AFAP1: variants seen among roughly 807,000 people sequenced by gnomAD.
The protein encoded by AFAP1 is actin filament associated protein 1.
In AFAP1, 75 loss-of-function variants were observed where a neutral mutation model predicts 93.9. That is an observed-to-expected ratio of 0.80 (90% CI 0.66 to 0.97). The LOEUF (loss-of-function observed/expected upper bound fraction) is 0.97, where lower values mean the gene tolerates loss of function less well. Ranked by LOEUF, AFAP1 falls within the 50% of genes least tolerant of loss-of-function variation. The pLI, the probability that AFAP1 is intolerant of heterozygous loss-of-function variation, is 0.00. For missense variants in AFAP1, 1,201 were observed against 1,050.8 expected (o/e 1.14, Z -1.98); for synonymous variants, 517 against 430.7 (o/e 1.20, Z -2.48).
At chr4:7,838,747 G>C in intron 5 of AFAP1, 44 bp from the exon 6 acceptor site, 1 of 1,593,094 alleles carries the variant, frequency 6.3e-7, no homozygotes, top group South Asian at 1.1e-5. Context: ...AAGGGAGTTC[G>C]AACAGAAACA....
intron 16 of AFAP1, 186 bp downstream of exon 16, chr4:7,772,634 T>G: frequency 1.7e-6 from 1 of 588,178 alleles, no homozygotes; most frequent in South Asian, 2.2e-5. Context: ...TGAGAAAGCA[T>G]GTCAGGAACA....
chr4:7,791,966 G>A (rs1294366551), intron 11 of AFAP1, among the ~76,000 whole-genome samples: 2 of 152,170 alleles, frequency 1.3e-5, no homozygotes, highest in Non-Finnish European at 2.9e-5. Context: ...CCAGAAAGTG[G>A]CAGAGTGTTC....
In AFAP1 at chr4:7,838,704, C is replaced by G; in HGVS notation, c.547-1G>C. On this transcript the variant is annotated splice_acceptor_variant, in intron 5 of 17. Transcript: ENST00000420658. LOFTEE classifies it high-confidence loss of function. The stretch of plus-strand genomic sequence containing the variant: ...GCTGGTCCTTGGAACTTTTATAGCA[C>G]TGCATTCAACACAACAAATCAACTG... The G allele has an allele frequency of 6.2e-7, 1 of 1,613,672 alleles. No individual in the cohort carries two copies. The highest frequency in any genetic ancestry group is 8.5e-7 in the Non-Finnish European group (1 of 1,179,754).
intron 10 of AFAP1, among the ~76,000 whole-genome samples, chr4:7,797,959 G>C (rs1718599088): frequency 6.6e-6 from 1 of 152,228 alleles, no homozygotes; most frequent in Non-Finnish European, 1.5e-5. Context: ...GTCTTTGGTG[G>C]ATATGGGTGA....
chr4:7,805,905 T>C (rs1032162801), intron 9 of AFAP1, among the ~76,000 whole-genome samples: 3 of 152,160 alleles, frequency 2.0e-5, no homozygotes, highest in Non-Finnish European at 4.4e-5. Flanking sequence ...GTTTCAAAAC[T>C]TCCATCTGGT....
Position 7,863,280 on chromosome 4 carries a change from A to G in AFAP1, c.225+5342T>C, listed in dbSNP as rs115818174. Among the ~76,000 whole-genome samples the G allele has an allele frequency of 5.9e-3, 895 of 152,218 alleles. 7 individuals are homozygous for G. The highest frequency in any genetic ancestry group is 0.019 in the African/African-American group (781 of 41,546). ...AAAAAGACAAAAAAATTAGCCAGAC[A>G]TGATGGTGCGTGCCTGTAGTCTCAG... On this transcript the variant is annotated intron_variant, in intron 3 of 17. Transcript: ENST00000420658.
chr4:7,801,505 T>C (rs181374848), intron 9 of AFAP1, among the ~76,000 whole-genome samples: 4 of 152,032 alleles, frequency 2.6e-5, no homozygotes, highest in Admixed American at 1.3e-4. Context: ...TGAATTCTTC[T>C]AGAAATAACA....
chr4:7,778,728 A>G, intron 14 of AFAP1, 34 bp downstream of exon 14: 2 of 1,597,760 alleles, frequency 1.3e-6, no homozygotes, highest in Non-Finnish European at 1.7e-6. Context: ...GTGCACTTGA[A>G]GCCGGAATGC....
At chr4:7,877,014 C>T (rs1262069483) in intron 1 of AFAP1, among the ~76,000 whole-genome samples, 1 of 152,206 alleles carries the variant, frequency 6.6e-6, no homozygotes, top group South Asian at 2.1e-4. Flanking sequence ...TTGGCTCCCC[C>T]TCACTGAAGT....
At chr4:7,881,650 G>C (rs549932183) in intron 1 of AFAP1, among the ~76,000 whole-genome samples, 4 of 152,254 alleles carry the variant, frequency 2.6e-5, no homozygotes, top group Admixed American at 6.5e-5. Context: ...GGGCATGGTG[G>C]CACACGCCTG....
rs537234532 is a variant in AFAP1, at chr4:7,761,507, C to G, written c.*2258G>C. 5.3e-5 allele frequency: 8 copies of G among 152,284 alleles called. No homozygotes were observed. The highest frequency in any genetic ancestry group is 2.1e-4 in the South Asian group (1 of 4,834). 9.4% of individuals were successfully genotyped at this position (152,284 alleles called of 1,614,324 possible). ...GCTGGTGGGTGACGGCTAAGGCCCACGTGACACTTTGCGTGCTGCTCACAC... is the reference window on the plus strand; with the variant it reads ...GCTGGTGGGTGACGGCTAAGGCCCAGGTGACACTTTGCGTGCTGCTCACAC... On this transcript the variant is annotated 3_prime_UTR_variant, in exon 18 of 18. Transcript: ENST00000420658.
chr4:7,876,422 CTCTA>C (rs1332416708), intron 1 of AFAP1, among the ~76,000 whole-genome samples: 2 of 152,194 alleles, frequency 1.3e-5, no homozygotes, highest in African/African-American at 4.8e-5. Flanking sequence ...TCTTCCATTC[CTCTA>C]TCTTTTGCCT....
chr4:7,939,323 T>C lies in AFAP1; in HGVS notation c.-3+333A>G. On this transcript the variant is annotated intron_variant, in intron 1 of 17. Coordinates refer to ENST00000420658, the MANE Select transcript of AFAP1 (RefSeq NM_001134647.2). This position sits in a 1 kb window ranked among gnomAD's most constrained non-coding sequence, Gnocchi z 5.6. ...ACCCGGACCCCGCCCCACGAGTGGG[T>C]CTTCGCAGGGCCCCCTCTGACGCAC... 6.4e-6 allele frequency: 2 copies of C among 312,448 alleles called. No individual in the cohort carries two copies. The highest frequency in any genetic ancestry group is 4.8e-5 in the South Asian group (2 of 41,982). 19.4% of individuals were successfully genotyped at this position (312,448 alleles called of 1,614,324 possible).
intron 1 of AFAP1, among the ~76,000 whole-genome samples, chr4:7,883,766 A>G (rs1275764938): frequency 6.6e-6 from 1 of 152,252 alleles, no homozygotes; most frequent in African/African-American, 2.4e-5. Flanking sequence ...GAAATGCGCA[A>G]AACTTACATA....
chr4:7,836,001 A>G (rs933420822), intron 6 of AFAP1, among the ~76,000 whole-genome samples: 2 of 152,222 alleles, frequency 1.3e-5, no homozygotes, highest in African/African-American at 4.8e-5. Context: ...TTGGTAGTGG[A>G]AAGCAGAGTT....
intron 6 of AFAP1, among the ~76,000 whole-genome samples, chr4:7,838,020 C>G (rs1426107774): frequency 1.3e-5 from 2 of 151,508 alleles, no homozygotes; most frequent in African/African-American, 4.9e-5. Flanking sequence ...TTTCAACAAA[C>G]AAAGAAAAAA....
At chr4:7,827,188 G>A (rs1438367493) in intron 6 of AFAP1, among the ~76,000 whole-genome samples, 1 of 152,108 alleles carries the variant, frequency 6.6e-6, no homozygotes, top group Non-Finnish European at 1.5e-5. Flanking sequence ...CCAAGCTGAG[G>A]CACGGAAGGA....
chr4:7,867,207 C>T (rs1175703279), intron 3 of AFAP1, among the ~76,000 whole-genome samples: 1 of 152,018 alleles, frequency 6.6e-6, no homozygotes, highest in African/African-American at 2.4e-5. Context: ...CCAGAATCTG[C>T]ACTTTCAGAT....
chr4:7,876,746 ATTG>A (rs1717535563), intron 1 of AFAP1, among the ~76,000 whole-genome samples: 1 of 152,214 alleles, frequency 6.6e-6, no homozygotes, highest in Admixed American at 6.5e-5. Flanking sequence ...ATTTCATTGT[ATTG>A]TTGTTAAGCT....
Sources: gnomAD v4.1 joint callset for allele counts (sites outside exome capture counted in the v4.1 genomes callset) on GRCh38, gnomAD v4.1.1 for gene constraint, Gnocchi (gnomAD v3.1) non-coding constraint, MANE v1.5 for transcripts, NCBI Gene and HGNC (gene_info 2026-07-23, HGNC 2026-07-21) for gene names.